The following CALN1 variants were observed in gnomAD, a reference collection of about 807,000 sequenced individuals.
CALN1 encodes the protein calcium-binding protein 8.
Under a neutral mutation model 30.6 loss-of-function variants are expected in CALN1, and 17 were observed. The observed-to-expected ratio is 0.56, with a 90% CI of 0.38 to 0.83. The LOEUF is 0.83. CALN1 is among the 40% of genes least tolerant of loss of function. The pLI, the probability that CALN1 is intolerant of heterozygous loss-of-function variation, is 0.00. For missense variants in CALN1, 291 were observed against 354.9 expected, an observed-to-expected ratio of 0.82 and a Z score of 1.45; for synonymous variants, 156 against 131.4, an observed-to-expected ratio of 1.19 and a Z score of -1.28.
At chr7:71,884,923 A>G (rs1486582573) in intron 5 of CALN1, among the ~76,000 whole-genome samples, 3 of 152,000 alleles carry the variant, frequency 2.0e-5, no homozygotes, top group African/African-American at 4.8e-5. Flanking sequence ...TTGAATAGGA[A>G]AACTTGTCAT....
chr7:71,961,877 T>G (rs1330022046), intron 5 of CALN1, among the ~76,000 whole-genome samples: 1 of 152,128 alleles, frequency 6.6e-6, no homozygotes, highest in African/African-American at 2.4e-5. Context: ...TATTTCCCGC[T>G]GAGTGGCACC....
At chr7:72,037,114 T>C (rs997463216) in intron 4 of CALN1, among the ~76,000 whole-genome samples, 3 of 152,076 alleles carry the variant, frequency 2.0e-5, no homozygotes, top group Non-Finnish European at 4.4e-5. Context: ...GCTAGGACTA[T>C]AGGTGTGAGC....
chr7:72,255,073 G>A (rs1431682221), intron 3 of CALN1, among the ~76,000 whole-genome samples: 1 of 149,784 alleles, frequency 6.7e-6, no homozygotes, highest in Non-Finnish European at 1.5e-5. Flanking sequence ...TTACAGGCAT[G>A]AGCCACCATG....
At chr7:72,257,728 C>A (rs1328744896) in intron 3 of CALN1, among the ~76,000 whole-genome samples, 1 of 152,148 alleles carries the variant, frequency 6.6e-6, no homozygotes, top group Admixed American at 6.6e-5. Flanking sequence ...CATCAACCAA[C>A]GAGTGGATAA....
chr7:71,911,647 T>C (rs565216437), intron 5 of CALN1, among the ~76,000 whole-genome samples: 1 of 152,172 alleles, frequency 6.6e-6, no homozygotes, highest in East Asian at 1.9e-4. Flanking sequence ...TGCAGGTGGG[T>C]GTACAGATGA....
At chr7:72,261,074 G>A (rs1343362298) in intron 3 of CALN1, among the ~76,000 whole-genome samples, 10 of 152,190 alleles carry the variant, frequency 6.6e-5, no homozygotes, top group East Asian at 3.9e-4. Flanking sequence ...TTGAGAGGCC[G>A]AGGAGGGTAG....
upstream of CALN1, among the ~76,000 whole-genome samples, chr7:72,451,088 G>C (rs1036699421): frequency 6.6e-6 from 1 of 151,582 alleles, no homozygotes; most frequent in African/African-American, 2.4e-5. Flanking sequence ...GGCAGAAGAA[G>C]GAGGAGGGGG....
intron 2 of CALN1, among the ~76,000 whole-genome samples, chr7:72,374,794 G>T (rs943217390): frequency 6.6e-6 from 1 of 152,088 alleles, no homozygotes. Context: ...CTAAGCATGA[G>T]GTTATTTAAC....
chr7:71,947,899 C>T (rs1332604583), intron 5 of CALN1, among the ~76,000 whole-genome samples: 3 of 148,982 alleles, frequency 2.0e-5, no homozygotes, highest in African/African-American at 7.5e-5. Context: ...AGTTGCACTG[C>T]ACTCCAGCCT....
intron 3 of CALN1, among the ~76,000 whole-genome samples, chr7:72,215,900 C>T (rs377658523): frequency 4.6e-5 from 7 of 152,148 alleles, no homozygotes; most frequent in African/African-American, 1.7e-4. Flanking sequence ...CACAGGATTC[C>T]TCTAATGGGC....
At chr7:72,258,795 G>A (rs1231869612) in intron 3 of CALN1, among the ~76,000 whole-genome samples, 3 of 150,724 alleles carry the variant, frequency 2.0e-5, no homozygotes, top group Non-Finnish European at 4.4e-5. Flanking sequence ...GTGGGTGCCT[G>A]TAATCCCAGC....
chr7:71,917,577 T>A (rs1249037866), intron 5 of CALN1, among the ~76,000 whole-genome samples: 2 of 152,164 alleles, frequency 1.3e-5, no homozygotes, highest in African/African-American at 2.4e-5. Flanking sequence ...CAGTTCTGCA[T>A]GGCTGGGGAG....
At chr7:71,950,394 C>T (rs1796629990) in intron 5 of CALN1, among the ~76,000 whole-genome samples, 1 of 152,180 alleles carries the variant, frequency 6.6e-6, no homozygotes. Context: ...CAATCACTAC[C>T]ACGCATTTTT....
rs184733571 is a variant in CALN1 at position 72,287,423 on chromosome 7, T to C, written c.120-8613A>G. Among the ~76,000 whole-genome samples the C allele has an allele frequency of 4.8e-5, 7 of 146,856 alleles. No homozygotes were observed. The East Asian group carries it at 1.4e-3, about 30-fold the overall frequency. On this transcript the variant is annotated intron_variant, in intron 2 of 6. Transcript: ENST00000395275. The stretch of plus-strand genomic sequence containing the variant: ...TGAGATCTATCTAAATCCATACACA[T>C]ACACCAAATTAATTTTTTTTTTTTT...
intron 3 of CALN1, among the ~76,000 whole-genome samples, chr7:72,144,233 C>T (rs1329422043): frequency 6.6e-6 from 1 of 152,114 alleles, no homozygotes; most frequent in East Asian, 1.9e-4. Context: ...GGAAACCCAT[C>T]TCATGTGCAG....
upstream of CALN1, among the ~76,000 whole-genome samples, chr7:72,448,497 T>C (rs777479437): frequency 6.6e-6 from 1 of 152,162 alleles, no homozygotes; most frequent in Non-Finnish European, 1.5e-5. Context: ...GAGCCTGTCT[T>C]GGCTAAGACC....
At chr7:71,844,750 T>C (rs1478017072) in intron 5 of CALN1, among the ~76,000 whole-genome samples, 1 of 152,132 alleles carries the variant, frequency 6.6e-6, no homozygotes, top group Non-Finnish European at 1.5e-5. Flanking sequence ...CTGAGACAAA[T>C]GTCAAAAGCA....
intron 4 of CALN1, among the ~76,000 whole-genome samples, chr7:72,086,170 C>G (rs1805470329): frequency 6.6e-6 from 1 of 152,058 alleles, no homozygotes; most frequent in Non-Finnish European, 1.5e-5. Context: ...ATTGGATCCA[C>G]TAAAGAAAAT....
At chr7:72,478,342 T>C in the CALN1 span, among the ~76,000 whole-genome samples, 1 of 147,432 alleles carries the variant, frequency 6.8e-6, no homozygotes, top group African/African-American at 2.5e-5. Context: ...ATTTATATAA[T>C]ATATAAATAT....
Sources: allele counts gnomAD v4.1 joint callset (sites outside exome capture counted in the v4.1 genomes callset), GRCh38; gene constraint gnomAD v4.1.1; transcripts MANE v1.5; gene names NCBI Gene and HGNC (gene_info 2026-07-23, HGNC 2026-07-21).